Variants in WDFY3 observed in about 807,000 individuals in gnomAD.
WDFY3 encodes WD repeat and FYVE domain-containing protein 3.
Under a neutral mutation model 409.6 loss-of-function variants are expected in WDFY3, and 66 were observed. That is an observed-to-expected ratio of 0.16 (90% CI 0.13 to 0.20). The LOEUF (loss-of-function observed/expected upper bound fraction) is 0.20. Among genes scored for constraint, WDFY3 ranks in the 10% least tolerant of loss-of-function variants. WDFY3 has a pLI of 1.00. For synonymous variants in WDFY3, 1,521 were observed against 1,537.1 expected (o/e 0.99, Z 0.25); for missense variants, 3,031 against 4,298.1 (o/e 0.71, Z 8.24).
intron 46 of WDFY3, among the ~76,000 whole-genome samples, chr4:84,723,276 A>C: frequency 6.6e-6 from 1 of 152,258 alleles, no homozygotes; most frequent in South Asian, 2.1e-4. Context: ...CATAGTCATC[A>C]CATGAGAGAA....
intron 63 of WDFY3, among the ~76,000 whole-genome samples, chr4:84,683,668 C>T (rs1244002307): frequency 6.6e-6 from 1 of 152,166 alleles, no homozygotes; most frequent in Admixed American, 6.5e-5. Context: ...TGAGCAATCC[C>T]AGTGTGACAT....
At chr4:84,690,331 C>A (rs555359800) in intron 61 of WDFY3, among the ~76,000 whole-genome samples, 175 bp downstream of exon 61, 2 of 152,044 alleles carry the variant, frequency 1.3e-5, no homozygotes, top group African/African-American at 4.8e-5. Context: ...TTAGAAACAA[C>A]CTATTCTGAT....
intron 18 of WDFY3, among the ~76,000 whole-genome samples, chr4:84,797,596 T>TTTATTTA (rs1268494088): frequency 6.2e-4 from 53 of 85,808 alleles, no homozygotes; most frequent in Non-Finnish European, 1.0e-3. Flanking sequence ...TTATTTATTT[T>TTTATTTA]TTGAGACGGA....
chr4:84,844,552 T>A, intron 5 of WDFY3: 1 of 1,277,168 alleles, frequency 7.8e-7, no homozygotes, highest in Non-Finnish European at 1.0e-6. Flanking sequence ...AGGGATTCAC[T>A]AAATTCCACT....
intron 2 of WDFY3, among the ~76,000 whole-genome samples, chr4:84,920,704 C>G (rs141300545): frequency 2.8e-3 from 430 of 152,262 alleles, no homozygotes; most frequent in African/African-American, 9.8e-3. Context: ...TGAACAGCAC[C>G]AGTGCCAACT....
chr4:84,816,183 C>A (rs1239007985), intron 13 of WDFY3, among the ~76,000 whole-genome samples: 1 of 152,090 alleles, frequency 6.6e-6, no homozygotes, highest in East Asian at 1.9e-4. Flanking sequence ...AGAAACCTTG[C>A]ATCAATCAAT....
chr4:84,742,049 C>A, intron 37 of WDFY3, 128 bp from the exon 38 acceptor site: 2 of 720,490 alleles, frequency 2.8e-6, no homozygotes, highest in Non-Finnish European at 2.1e-6. Context: ...TGACTACTAG[C>A]TTTTATGCAC....
intron 1 of WDFY3, among the ~76,000 whole-genome samples, chr4:84,938,441 A>G (rs1212418027): frequency 1.3e-5 from 2 of 152,202 alleles, no homozygotes; most frequent in Non-Finnish European, 2.9e-5. Flanking sequence ...TCCCCTTATT[A>G]TTAGGTTTTA....
At chr4:84,752,409 A>T (rs566412178) in intron 35 of WDFY3, among the ~76,000 whole-genome samples, 11 of 152,076 alleles carry the variant, frequency 7.2e-5, no homozygotes, top group South Asian at 2.1e-4. Context: ...TCAGCTACTC[A>T]GGAGGGTGAG....
intron 10 of WDFY3, among the ~76,000 whole-genome samples, chr4:84,826,172 G>GA (rs201472578): frequency 0.038 from 5,727 of 149,988 alleles, 206 homozygotes; most frequent in Admixed American, 0.12. Flanking sequence ...AAGTATTAAA[G>GA]AAAAAAAAAG....
chr4:84,753,959 T>C (rs1740976925), intron 34 of WDFY3, 83 bp from the exon 35 acceptor site: 1 of 1,376,636 alleles, frequency 7.3e-7, no homozygotes, highest in South Asian at 1.8e-5. Flanking sequence ...TTACTCAGTA[T>C]TCTTATGAAA....
At position 84,724,404 on chromosome 4, in the gene WDFY3, A is replaced by T. The variant is rs200971792; in HGVS notation, c.7441+22T>A. ...GAATGTTCCAAAATCACTTTTAATC[A>T]AAATCAAAAAGGCAGGCTGACCTTT... is the stretch of plus-strand genomic sequence containing the variant. On this transcript the variant is annotated intron_variant, in intron 46 of 67. Transcript: ENST00000295888. The T allele has an allele frequency of 2.5e-4, 395 of 1,581,766 alleles. 2 individuals carry two copies. Among genetic ancestry groups the T allele is most frequent in the African/African-American group, 2.3e-3 (170 of 73,574 alleles).
intron 13 of WDFY3, among the ~76,000 whole-genome samples, chr4:84,811,781 A>C (rs1386435294): frequency 6.6e-6 from 1 of 152,200 alleles, no homozygotes; most frequent in Non-Finnish European, 1.5e-5. Context: ...AAGGCTACAT[A>C]CAGGTTGAAT....
chr4:84,842,767 C>T (rs549218643), intron 5 of WDFY3, among the ~76,000 whole-genome samples: 3 of 152,182 alleles, frequency 2.0e-5, no homozygotes, highest in South Asian at 2.1e-4. Flanking sequence ...GGCAACAGAG[C>T]GAGACTCCGT....
rs751286055 is a variant in WDFY3, at chr4:84,715,368, C to A, written c.7891G>T (p.Val2631Phe). 3 of 1,602,248 alleles carry A rather than the reference C, an allele frequency of 1.9e-6. No individual in the cohort carries two copies. The highest frequency in any genetic ancestry group is 1.1e-5 in the South Asian group (1 of 90,554). ...TAATTCCGTCCATCTCCAGAGAAAACTTCCACAGCAATAGGCTGAAATGAT... is the reference window on the plus strand; with the variant it reads ...TAATTCCGTCCATCTCCAGAGAAAAATTCCACAGCAATAGGCTGAAATGAT... ...RYLLQPIAVEVFSGDGRNYLL... is the reference protein window; with the variant it reads ...RYLLQPIAVEFFSGDGRNYLL... Residue 2631 changes from valine to phenylalanine, a missense_variant, in exon 50 of 68, where the codon GTT becomes TTT. By Grantham distance (50) the Val-to-Phe change is conservative. Transcript: ENST00000295888.
chr4:84,875,283 C>CACAT (rs1328401250), intron 3 of WDFY3, among the ~76,000 whole-genome samples: 1 of 151,480 alleles, frequency 6.6e-6, no homozygotes, highest in East Asian at 1.9e-4. Flanking sequence ...CACACACACA[C>CACAT]ACACACACAC....
At chr4:84,784,927 C>T (rs887286423) in intron 24 of WDFY3, among the ~76,000 whole-genome samples, 1 of 142,218 alleles carries the variant, frequency 7.0e-6, no homozygotes, top group Non-Finnish European at 1.5e-5. Context: ...CACATACACA[C>T]CTTGAATCTG....
intron 21 of WDFY3, among the ~76,000 whole-genome samples, chr4:84,790,336 G>A (rs1365580915): frequency 6.6e-6 from 1 of 151,890 alleles, no homozygotes; most frequent in Non-Finnish European, 1.5e-5. Flanking sequence ...GTGACAGAGC[G>A]AGACTCCATC....
Position 84,778,710 on chromosome 4 carries a change from CACACACACAAACACACACAT to C in WDFY3, c.4366-75_4366-56del, listed in dbSNP as rs773108993. Reference sequence around the variant, plus strand: ...GATAAATCATCATATATATTCATTACACACACACAAACACACACATACACACACAAACACACACATACACA... The same window carrying C: ...GATAAATCATCATATATATTCATTACACACACACAAACACACACATACACA... On this transcript the variant is annotated intron_variant, in intron 26 of 67. Transcript: ENST00000295888. 9.3e-5 allele frequency: 143 copies of C among 1,544,722 alleles called. 2 individuals carry two copies. Among genetic ancestry groups the C allele is most frequent in the African/African-American group, 5.7e-4 (42 of 73,138 alleles).
Sources: allele counts gnomAD v4.1 joint callset (sites outside exome capture counted in the v4.1 genomes callset), GRCh38; gene constraint gnomAD v4.1.1; transcripts MANE v1.5; gene names NCBI Gene and HGNC (gene_info 2026-07-23, HGNC 2026-07-21).